BCR: variants seen among roughly 807,000 people sequenced by gnomAD.
The protein encoded by BCR is breakpoint cluster region protein.
A neutral mutation model predicts 138.6 loss-of-function variants in BCR; 58 were observed. The ratio of observed to expected loss-of-function variants is 0.42; its 90% CI spans 0.34 to 0.52. The LOEUF is 0.52. BCR is among the 20% of genes least tolerant of loss of function. The probability of loss-of-function intolerance (pLI) is 0.06; values close to 1 mark genes in which losing one functional copy is unlikely to be tolerated. For missense variants in BCR, 1,599 were observed against 1,727.2 expected (o/e 0.93, Z 1.32); for synonymous variants, 786 against 730.1 (o/e 1.08, Z -1.23).
At chr22:23,254,716 C>G (rs757683435) in intron 2 of BCR, among the ~76,000 whole-genome samples, 2 of 152,220 alleles carry the variant, frequency 1.3e-5, no homozygotes, top group Non-Finnish European at 2.9e-5. Context: ...AGATGCTCAC[C>G]CCTTGCCATT....
rs139518034 is a variant in BCR, at chr22:23,248,476, C to T, written c.1280-5323C>T. 2.3e-3 allele frequency among the ~76,000 whole-genome samples: 347 copies of T among 151,682 alleles called. 3 individuals carry two copies. Among genetic ancestry groups the T allele is most frequent in the African/African-American group, 8.0e-3 (330 of 41,292 alleles). On this transcript the variant is annotated intron_variant, in intron 1 of 22. Transcript: ENST00000305877. ...ACCAGTGTAGTCTAGGGGATGTGAC[C>T]GCAGCACCTACCTGGGCCTGGGCTG... is the stretch of plus-strand genomic sequence containing the variant.
At chr22:23,263,278 G>A (rs566626690) in intron 4 of BCR, 51 of 1,127,768 alleles carry the variant, frequency 4.5e-5, no homozygotes, top group East Asian at 4.0e-4. Context: ...GCCCTCGGCC[G>A]CCTGGCCCAG....
At chr22:23,230,537 G>GT (rs1326591051) in intron 1 of BCR, among the ~76,000 whole-genome samples, 3 of 152,180 alleles carry the variant, frequency 2.0e-5, no homozygotes, top group Non-Finnish European at 4.4e-5. Flanking sequence ...CCTGGTGTTT[G>GT]TTTTTTCCAG....
At chr22:23,263,167 A>G (rs763017064) in intron 4 of BCR, 9 of 776,598 alleles carry the variant, frequency 1.2e-5, no homozygotes, top group Non-Finnish European at 1.8e-5. Context: ...GAGGAGGAGG[A>G]GGCGGCTCGG....
chr22:23,251,651 C>T (rs2073229898), intron 1 of BCR, among the ~76,000 whole-genome samples: 1 of 152,242 alleles, frequency 6.6e-6, no homozygotes, highest in Non-Finnish European at 1.5e-5. Flanking sequence ...CAGCCCTGTG[C>T]CCACCCAGCC....
intron 1 of BCR, among the ~76,000 whole-genome samples, chr22:23,205,819 T>G (rs996868144): frequency 6.6e-6 from 1 of 152,148 alleles, no homozygotes; most frequent in Non-Finnish European, 1.5e-5. Context: ...AGAGCATTCT[T>G]AAGGCCTAGG....
At position 23,291,628 on chromosome 22, in the gene BCR, CCTTT is replaced by C. The variant is rs2073788458; in HGVS notation, c.2783-906_2783-903del. 3.3e-5 allele frequency among the ~76,000 whole-genome samples: 5 copies of C among 152,184 alleles called. No homozygotes were observed. The South Asian group carries it at 1.0e-3, about 32-fold the overall frequency. On this transcript the variant is annotated intron_variant, in intron 14 of 22. Coordinates refer to ENST00000305877, the MANE Select transcript of BCR (RefSeq NM_004327.4). ...CTTGTCTCTCCTTGCCTCCCTGTTA[CCTTT>C]CTTTCTATCTCTTCCTTGCCCCGTG...
chr22:23,221,668 ACTCAAGACAGATC>A (rs1602030172), intron 1 of BCR, among the ~76,000 whole-genome samples: 2 of 152,082 alleles, frequency 1.3e-5, no homozygotes, highest in African/African-American at 4.8e-5. Context: ...ATTTCTCAGG[ACTCAAGACAGATC>A]CTCAATCAAT....
intron 10 of BCR, among the ~76,000 whole-genome samples, chr22:23,285,448 A>T (rs1386876277): frequency 6.6e-6 from 1 of 152,138 alleles, no homozygotes; most frequent in African/African-American, 2.4e-5. Context: ...CCTCCAGAAA[A>T]ATGAAGGGAA....
chr22:23,198,062 G>C (rs79579299), intron 1 of BCR, among the ~76,000 whole-genome samples: 1 of 152,092 alleles, frequency 6.6e-6, no homozygotes, highest in Non-Finnish European at 1.5e-5. Flanking sequence ...GGGAGGTCAC[G>C]TGAGAGAAAG....
At chr22:23,313,692 C>T (rs1299220411) in intron 20 of BCR, among the ~76,000 whole-genome samples, 2 of 152,192 alleles carry the variant, frequency 1.3e-5, no homozygotes, top group African/African-American at 4.8e-5. Flanking sequence ...TGTCCAAGGG[C>T]AGCTCTGCCC....
In BCR at chr22:23,181,509, C is replaced by G; in HGVS notation, c.549C>G (p.His183Gln). ...EKPFYVNVEFHHERGLVKVND... is the reference protein window; with the variant it reads ...EKPFYVNVEFQHERGLVKVND... ...CCTTCTACGTGAACGTCGAGTTTCACCACGAGCGCGGCCTGGTGAAGGTCA... is the reference window on the plus strand; with the variant it reads ...CCTTCTACGTGAACGTCGAGTTTCAGCACGAGCGCGGCCTGGTGAAGGTCA... Residue 183 changes from histidine (H) to glutamine (Q), a missense_variant, in exon 1 of 23, where the codon CAC becomes CAG. Transcript: ENST00000305877. 3.1e-6 allele frequency: 5 copies of G among 1,612,478 alleles called. No homozygotes were observed. The highest frequency in any genetic ancestry group is 4.2e-6 in the Non-Finnish European group (5 of 1,179,578).
chr22:23,267,436 G>A (rs2073455757), intron 4 of BCR, among the ~76,000 whole-genome samples: 1 of 152,158 alleles, frequency 6.6e-6, no homozygotes, highest in South Asian at 2.1e-4. Context: ...AGTGCCAAGG[G>A]TGCCTGGTTT....
rs942485574 is a variant in BCR, at chr22:23,285,256, C to A, written c.2406+55C>A. 1.3e-5 allele frequency: 20 copies of A among 1,543,298 alleles called. No homozygotes were observed. In the African/African-American group the frequency reaches 2.3e-4, roughly 18 times the overall value. Reference sequence around the variant, plus strand: ...TGGTGTGGTCAGAGTGGCAGCAGCCCCCGCACACGGCCAGTGGGTGCTTTC... The same window carrying A: ...TGGTGTGGTCAGAGTGGCAGCAGCCACCGCACACGGCCAGTGGGTGCTTTC... On this transcript the variant is annotated intron_variant, in intron 10 of 22. Coordinates refer to ENST00000305877, the MANE Select transcript of BCR (RefSeq NM_004327.4).
rs116781461 is a variant in BCR at position 23,314,728 on chromosome 22, G to A, written c.3726+14G>A. ...GTCATGTCCCAGGTATGGGAAGACA[G>A]GCTCCAGCCCATGCAACCCTGACCT... On this transcript the variant is annotated intron_variant, in intron 22 of 22. Coordinates refer to ENST00000305877, the MANE Select transcript of BCR (RefSeq NM_004327.4). 4.3e-4 allele frequency: 699 copies of A among 1,611,764 alleles called. 1 individual carries two copies. The African/African-American group carries it at 8.2e-3, about 19-fold the overall frequency.
intron 6 of BCR, 46 bp downstream of exon 6, chr22:23,271,638 C>G (rs908650890): frequency 6.3e-7 from 1 of 1,587,108 alleles, no homozygotes. Context: ...GTCAGGGAGG[C>G]TGCTGCTGGC....
At chr22:23,261,667 A>T (rs564687073) in intron 4 of BCR, 127 bp downstream of exon 4, 127 of 996,462 alleles carry the variant, frequency 1.3e-4, no homozygotes, top group Non-Finnish European at 1.7e-4. Context: ...CCTAACCTCA[A>T]GTGATCCACC....
intron 1 of BCR, among the ~76,000 whole-genome samples, chr22:23,217,885 T>TCGGACAGGAAAGGCCTTGA (rs2072775245): frequency 6.6e-6 from 1 of 152,288 alleles, no homozygotes; most frequent in South Asian, 2.1e-4. Flanking sequence ...GGCCGCCTGC[T>TCGGACAGGAAAGGCCTTGA]CGGACAGGAA....
chr22:23,224,199 T>C (rs2072862365), intron 1 of BCR, among the ~76,000 whole-genome samples: 1 of 152,244 alleles, frequency 6.6e-6, no homozygotes, highest in African/African-American at 2.4e-5. Flanking sequence ...AGGGCTCTCC[T>C]GTCCCAAGTG....
Sources: gnomAD v4.1 joint callset for allele counts (sites outside exome capture counted in the v4.1 genomes callset) on GRCh38, gnomAD v4.1.1 for gene constraint, MANE v1.5 for transcripts, NCBI Gene and HGNC (gene_info 2026-07-23, HGNC 2026-07-21) for gene names.